Variants in ALK observed in about 807,000 individuals in gnomAD.
ALK encodes ALK receptor tyrosine kinase.
ALK carries 74 observed loss-of-function variants against 163.1 expected under a neutral mutation model. That is an observed-to-expected ratio of 0.45 (90% CI 0.38 to 0.55). ALK has a LOEUF of 0.55. Ranked by LOEUF, ALK falls within the 20% of genes least tolerant of loss-of-function variation. The pLI, the probability that ALK is intolerant of heterozygous loss-of-function variation, is 0.00. For synonymous variants in ALK, 960 were observed against 843.2 expected, an observed-to-expected ratio of 1.14 and a Z score of -2.40; for missense variants, 2,063 against 2,105.3, an observed-to-expected ratio of 0.98 and a Z score of 0.39.
chr2:29,596,417 C>T (rs1281374894), intron 3 of ALK, among the ~76,000 whole-genome samples: 1 of 152,226 alleles, frequency 6.6e-6, no homozygotes, highest in Non-Finnish European at 1.5e-5. Context: ...ATGTCCAAAA[C>T]AAATCACCCT....
intron 4 of ALK, among the ~76,000 whole-genome samples, chr2:29,522,975 G>T (rs143484741): frequency 6.6e-6 from 1 of 152,312 alleles, no homozygotes; most frequent in Non-Finnish European, 1.5e-5. Context: ...TACAAGAAGA[G>T]GTAGTGGTGA....
chr2:29,754,060 A>G (rs1680447402), intron 1 of ALK, among the ~76,000 whole-genome samples: 5 of 152,090 alleles, frequency 3.3e-5, no homozygotes, highest in African/African-American at 2.4e-5. Flanking sequence ...ACAAAAAGAG[A>G]GGAATTGGCT....
intron 1 of ALK, among the ~76,000 whole-genome samples, chr2:29,838,522 A>G (rs1665621829): frequency 6.6e-6 from 1 of 152,216 alleles, no homozygotes; most frequent in South Asian, 2.1e-4. Context: ...GAAATAATCC[A>G]GATGTCCATC....
At chr2:29,408,247 TA>T (rs1186642507) in intron 4 of ALK, among the ~76,000 whole-genome samples, 4 of 151,058 alleles carry the variant, frequency 2.6e-5, no homozygotes, top group African/African-American at 9.8e-5. Context: ...CACACCTGGC[TA>T]TTTTTTTTTT....
intron 3 of ALK, among the ~76,000 whole-genome samples, chr2:29,637,583 C>T (rs1483515220): frequency 1.3e-5 from 2 of 151,868 alleles, no homozygotes; most frequent in Non-Finnish European, 2.9e-5. Context: ...GTGGTATAGG[C>T]CTGTAATACC....
intron 4 of ALK, among the ~76,000 whole-genome samples, chr2:29,386,126 C>T (rs1314096499): frequency 6.6e-6 from 1 of 152,188 alleles, no homozygotes. Context: ...AGCTTTATGT[C>T]TCTGGTCTCT....
intron 1 of ALK, among the ~76,000 whole-genome samples, chr2:29,860,280 C>T (rs1443871461): frequency 6.6e-6 from 1 of 151,816 alleles, no homozygotes; most frequent in South Asian, 2.1e-4. Flanking sequence ...TCAAATCCTA[C>T]CATATGGCAA....
intron 1 of ALK, among the ~76,000 whole-genome samples, chr2:29,896,012 T>C (rs34016468): frequency 1.5e-3 from 236 of 152,296 alleles, no homozygotes; most frequent in Non-Finnish European, 2.8e-3. Context: ...ACTTACTGAA[T>C]GTGTCCCTAG....
rs1270121812 is a variant in ALK, at chr2:29,439,666, C to T, written c.1155-55807G>A. On this transcript the variant is annotated intron_variant, in intron 4 of 28. Coordinates refer to ENST00000389048, the MANE Select transcript of ALK (RefSeq NM_004304.5). ...GTCATTAGGGTGGGCCCTGATCCAA[C>T]GGGACTGGTGTTCTTGTTAAAAAAA... Among the ~76,000 whole-genome samples, 6 of 134,786 alleles carry T rather than the reference C, an allele frequency of 4.5e-5. No individual in the cohort carries two copies. In the East Asian group the frequency reaches 6.5e-4, roughly 15 times the overall value. 88.4% of individuals were successfully genotyped at this position (134,786 alleles called of 152,430 possible).
chr2:29,610,819 G>A (rs73921125), intron 3 of ALK, among the ~76,000 whole-genome samples: 2,704 of 152,060 alleles, frequency 0.018, 82 homozygotes, highest in African/African-American at 0.061. Flanking sequence ...AAATGACTCC[G>A]GATAAGATCA....
intron 1 of ALK, among the ~76,000 whole-genome samples, chr2:29,722,277 A>G (rs1361103165): frequency 6.6e-6 from 1 of 152,266 alleles, no homozygotes; most frequent in East Asian, 1.9e-4. Flanking sequence ...GATGATCAAT[A>G]AATTTCAAGT....
intron 1 of ALK, among the ~76,000 whole-genome samples, chr2:29,888,699 T>G (rs1244549545): frequency 6.6e-6 from 1 of 152,212 alleles, no homozygotes; most frequent in Non-Finnish European, 1.5e-5. Flanking sequence ...TATATGTCCA[T>G]GAATTCCTAT....
At chr2:29,705,574 G>C (rs567064882) in intron 2 of ALK, among the ~76,000 whole-genome samples, 1 of 152,060 alleles carries the variant, frequency 6.6e-6, no homozygotes, top group Admixed American at 6.5e-5. Flanking sequence ...AGTGTCTGGG[G>C]AGGCATTGCA....
chr2:29,909,521 T>C (rs1019944463), intron 1 of ALK, among the ~76,000 whole-genome samples: 6 of 89,452 alleles, frequency 6.7e-5, no homozygotes, highest in South Asian at 4.2e-4. Flanking sequence ...AGAGAGAGAA[T>C]GCTCCACAAA....
chr2:29,831,903 C>T (rs1344447675), intron 1 of ALK, among the ~76,000 whole-genome samples: 2 of 152,208 alleles, frequency 1.3e-5, no homozygotes, highest in Admixed American at 1.3e-4. Context: ...ACCATTTTCA[C>T]TGCATGCTTA....
chr2:29,700,469 G>A (rs896285231), intron 2 of ALK, among the ~76,000 whole-genome samples: 13 of 152,132 alleles, frequency 8.5e-5, no homozygotes, highest in Admixed American at 5.2e-4. Context: ...GCTTGAACCC[G>A]GGAGGCGGAG....
At chr2:29,268,001 T>C (rs1001921270) in intron 11 of ALK, among the ~76,000 whole-genome samples, 1 of 152,240 alleles carries the variant, frequency 6.6e-6, no homozygotes. Flanking sequence ...CTCTCACTTA[T>C]GCAAGCTTTC....
At chr2:29,402,376 C>T (rs574649316) in intron 4 of ALK, among the ~76,000 whole-genome samples, 296 of 152,380 alleles carry the variant, frequency 1.9e-3, no homozygotes, top group Middle Eastern at 0.01. Context: ...AGAGACACAG[C>T]ATGGTCCAGA....
chr2:29,342,942 G>A (rs1169771111), intron 5 of ALK, among the ~76,000 whole-genome samples: 1 of 147,114 alleles, frequency 6.8e-6, no homozygotes, highest in Non-Finnish European at 1.5e-5. Flanking sequence ...GAGTGCAGTG[G>A]CGCGATCTCT....
Sources: allele counts gnomAD v4.1 joint callset (sites outside exome capture counted in the v4.1 genomes callset), GRCh38; gene constraint gnomAD v4.1.1; transcripts MANE v1.5; gene names NCBI Gene and HGNC (gene_info 2026-07-23, HGNC 2026-07-21).